Variants in GRAMD2A observed in about 807,000 individuals in gnomAD.
The protein encoded by GRAMD2A is GRAM domain-containing protein 2A.
GRAMD2A carries 37 observed loss-of-function variants against 51.1 expected under a neutral mutation model. That is an observed-to-expected ratio of 0.72 (90% confidence interval 0.56 to 0.95). The LOEUF is 0.95. Ranked by LOEUF, GRAMD2A falls within the 40% of genes least tolerant of loss-of-function variation. The pLI, the probability that GRAMD2A is intolerant of heterozygous loss-of-function variation, is 0.00. For missense variants in GRAMD2A, 414 were observed against 426.9 expected (o/e 0.97, Z 0.27); for synonymous variants, 136 against 157.1 (o/e 0.87, Z 1.01).
intron 5 of GRAMD2A, 109 bp from the exon 6 acceptor site, chr15:72,167,201 C>T (rs372598122): frequency 2.5e-6 from 2 of 805,230 alleles, no homozygotes; most frequent in South Asian, 2.9e-5. Flanking sequence ...CATGGGGAAG[C>T]CTGGCCCCAT....
rs1567083871 is a variant in GRAMD2A, at chr15:72,168,954, C to T, written c.177G>A (p.Lys59=). 7 of 1,614,090 alleles carry T rather than the reference C, an allele frequency of 4.3e-6. No individual in the cohort carries two copies. Among genetic ancestry groups the T allele is most frequent in the Middle Eastern group, 1.6e-4 (1 of 6,082 alleles). ...CCAGACTTACCCCTTCTCGGCCACACTTCTTTATCTCTTCACCCTTCAAGC... is the reference window on the plus strand; with the variant it reads ...CCAGACTTACCCCTTCTCGGCCACATTTCTTTATCTCTTCACCCTTCAAGC... ...PEGLKGEEIK[K]CGREGITLNK... is the part of the protein sequence containing the mutation. The change falls in exon 3 of 12, where the codon AAG becomes AAA. Residue 59 remains lysine (K), a synonymous_variant. Coordinates refer to ENST00000309731, the MANE Select transcript of GRAMD2A (RefSeq NM_001012642.3).
intron 1 of GRAMD2A, among the ~76,000 whole-genome samples, chr15:72,173,253 T>C (rs796614923): frequency 9.2e-5 from 14 of 152,344 alleles, no homozygotes; most frequent in African/African-American, 3.1e-4. Context: ...TAATCTTGCA[T>C]GGATTATCTA....
intron 4 of GRAMD2A, among the ~76,000 whole-genome samples, chr15:72,168,254 G>A (rs1324649469): frequency 6.6e-6 from 1 of 152,208 alleles, no homozygotes; most frequent in Non-Finnish European, 1.5e-5. Context: ...AGTAAGAGCA[G>A]GACACAAGAT....
rs775114769 is a variant in GRAMD2A at position 72,167,061 on chromosome 15, A to G, written c.404T>C (p.Ile135Thr). 15 of 1,613,754 alleles carry G rather than the reference A, an allele frequency of 9.3e-6. No homozygotes were observed. The South Asian group carries it at 9.9e-5, about 11-fold the overall frequency. The change falls in exon 6 of 12, where the codon ATC (isoleucine) becomes ACC (threonine). Residue 135 changes from isoleucine (I) to threonine (T), a missense_variant. Physicochemically the swap from Ile to Thr is moderately conservative, Grantham distance 89. Coordinates refer to ENST00000309731, the MANE Select transcript of GRAMD2A (RefSeq NM_001012642.3). ...GAGCCGTGCCATCTTGTGTTTTTTG[A>G]TCATTTGCACAGACACCACAGGAAT... ...VVIPVVSVQM[I>T]KKHKMARLLP...
chr15:72,184,919 G>A (rs1304981282), intron 1 of GRAMD2A, among the ~76,000 whole-genome samples: 1 of 152,148 alleles, frequency 6.6e-6, no homozygotes. Flanking sequence ...AAAACGTGGC[G>A]CAGATATTTT....
chr15:72,168,635 C>A, intron 3 of GRAMD2A, 69 bp from the exon 4 acceptor site: 1 of 1,344,602 alleles, frequency 7.4e-7, no homozygotes, highest in South Asian at 1.2e-5. Flanking sequence ...CTGCTCCAGC[C>A]AACAGGAAAT....
At chr15:72,186,995 C>CA (rs756016370) in intron 1 of GRAMD2A, among the ~76,000 whole-genome samples, 7,956 of 109,132 alleles carry the variant, frequency 0.073, 269 homozygotes, top group Non-Finnish European at 0.094. Context: ...AATAAAAATA[C>CA]AAAAAAAAAA....
intron 1 of GRAMD2A, among the ~76,000 whole-genome samples, chr15:72,178,991 T>C (rs1029924063): frequency 6.6e-6 from 1 of 152,186 alleles, no homozygotes; most frequent in Non-Finnish European, 1.5e-5. Context: ...AATCCAATAA[T>C]CGAGTCTCAT....
At chr15:72,184,768 C>T (rs1054554771) in intron 1 of GRAMD2A, among the ~76,000 whole-genome samples, 1 of 152,212 alleles carries the variant, frequency 6.6e-6, no homozygotes, top group African/African-American at 2.4e-5. Context: ...GTTATTCAAC[C>T]TTGTCCTGGA....
intron 1 of GRAMD2A, among the ~76,000 whole-genome samples, chr15:72,194,610 A>G (rs1291832803): frequency 6.6e-6 from 1 of 152,156 alleles, no homozygotes; most frequent in African/African-American, 2.4e-5. Flanking sequence ...AAAACTTAGG[A>G]AATACCTATG....
intron 1 of GRAMD2A, among the ~76,000 whole-genome samples, chr15:72,188,149 C>A: frequency 6.6e-6 from 1 of 151,998 alleles, no homozygotes; most frequent in African/African-American, 2.4e-5. Flanking sequence ...CCAGCCTGAC[C>A]AATGTGGTGA....
In GRAMD2A at chr15:72,167,112, TTC is replaced by T; in HGVS notation, c.373-22_373-21del. On this transcript the variant is annotated intron_variant, in intron 5 of 11. Transcript: ENST00000309731. ...GACCACCTGAGAGGGAGAGGGATGC[TTC>T]TCTCAGGACTAACCCCCAAGGACGT... 6.4e-7 allele frequency: 1 copy of T among 1,556,408 alleles called. No individual in the cohort carries two copies. Among genetic ancestry groups the T allele is most frequent in the Non-Finnish European group, 8.9e-7 (1 of 1,127,030 alleles).
chr15:72,179,463 GC>G (rs540722096), intron 1 of GRAMD2A, among the ~76,000 whole-genome samples: 1 of 152,328 alleles, frequency 6.6e-6, no homozygotes, highest in South Asian at 2.1e-4. Flanking sequence ...ACCTCTGGGT[GC>G]CCCCGGAGAC....
rs2081465104 is a variant in GRAMD2A at position 72,160,727 on chromosome 15, G to A, written c.*1282C>T. 6.6e-6 allele frequency: 1 copy of A among 152,230 alleles called. No homozygotes were observed. The highest frequency in any genetic ancestry group is 1.5e-5 in the Non-Finnish European group (1 of 68,088). 9.4% of individuals were successfully genotyped at this position (152,230 alleles called of 1,614,324 possible). On this transcript the variant is annotated 3_prime_UTR_variant, in exon 12 of 12. Transcript: ENST00000309731. ...CTATCTTAGCAGATGGGAGTCCCAG[G>A]GCGATGAGGCCAGAGTTGTGGGACA...
At position 72,192,740 on chromosome 15, in the gene GRAMD2A, A is replaced by G. The variant is rs373440684; in HGVS notation, c.41+4991T>C. Among the ~76,000 whole-genome samples, 15 of 152,370 alleles carry G rather than the reference A, an allele frequency of 9.8e-5. No homozygotes were observed. In the East Asian group the frequency reaches 2.3e-3, roughly 23 times the overall value. On this transcript the variant is annotated intron_variant, in intron 1 of 11. Coordinates refer to ENST00000309731, the MANE Select transcript of GRAMD2A (RefSeq NM_001012642.3). ...AAGTGATCTTTACTTTAGGTTAAAA[A>G]GAAATAGAGCCAGCCAAAAACTGCT...
chr15:72,196,885 C>G (rs1013520034), intron 1 of GRAMD2A, among the ~76,000 whole-genome samples: 2 of 152,142 alleles, frequency 1.3e-5, no homozygotes, highest in Admixed American at 6.5e-5. Context: ...GATTTGGACA[C>G]AAGGCTCACA....
chr15:72,175,354 G>A (rs1160715787), intron 1 of GRAMD2A, among the ~76,000 whole-genome samples: 5 of 152,108 alleles, frequency 3.3e-5, no homozygotes, highest in African/African-American at 4.8e-5. Flanking sequence ...GCTGGGGCCC[G>A]GGTCTGATCC....
chr15:72,169,061 C>G, intron 2 of GRAMD2A, 65 bp from the exon 3 acceptor site: 1 of 1,435,030 alleles, frequency 7.0e-7, no homozygotes, highest in Admixed American at 1.7e-5. Context: ...TCCTCAGTGC[C>G]AATTCTGCCC....
At chr15:72,185,034 C>T (rs761528861) in intron 1 of GRAMD2A, among the ~76,000 whole-genome samples, 20 of 152,020 alleles carry the variant, frequency 1.3e-4, no homozygotes, top group Non-Finnish European at 2.2e-4. Flanking sequence ...AGATCTTGTC[C>T]AATAAATGGT....
Sources: gnomAD v4.1 joint callset for allele counts (sites outside exome capture counted in the v4.1 genomes callset) on GRCh38, gnomAD v4.1.1 for gene constraint, MANE v1.5 for transcripts, NCBI Gene and HGNC (gene_info 2026-07-23, HGNC 2026-07-21) for gene names.